The following FAM53B variants were observed in gnomAD, a reference collection of about 807,000 sequenced individuals.
FAM53B encodes the protein protein FAM53B.
In FAM53B, 12 loss-of-function variants were observed where a neutral mutation model predicts 32.7. That is an observed-to-expected ratio of 0.37 (90% CI 0.24 to 0.59). The LOEUF (loss-of-function observed/expected upper bound fraction) is 0.59. Among genes scored for constraint, FAM53B ranks in the 20% least tolerant of loss-of-function variants. The pLI, the probability that FAM53B is intolerant of heterozygous loss-of-function variation, is 0.72. For synonymous variants in FAM53B, 234 were observed against 228.7 expected (o/e 1.02, Z -0.21); for missense variants, 477 against 577.7 (o/e 0.83, Z 1.79).
chr10:124,742,709 C>T (rs935992193), intron 1 of FAM53B: 1 of 152,320 alleles, frequency 6.6e-6, no homozygotes, highest in Non-Finnish European at 1.5e-5. Flanking sequence ...AACATTTGTT[C>T]CTGTTGAACA....
At chr10:124,630,882 T>C (rs1949386708) in intron 4 of FAM53B, among the ~76,000 whole-genome samples, 1 of 152,216 alleles carries the variant, frequency 6.6e-6, no homozygotes, top group Non-Finnish European at 1.5e-5. Context: ...CAGAAGCCAG[T>C]ACAGCAGGGG....
intron 4 of FAM53B, among the ~76,000 whole-genome samples, chr10:124,645,274 T>G (rs998321275): frequency 1.3e-5 from 2 of 152,236 alleles, no homozygotes; most frequent in Admixed American, 6.5e-5. Context: ...ACACAGTAAC[T>G]GGGAAAATCC....
chr10:124,642,279 GCT>G (rs1949481033), intron 4 of FAM53B, among the ~76,000 whole-genome samples: 1 of 152,240 alleles, frequency 6.6e-6, no homozygotes, highest in African/African-American at 2.4e-5. Flanking sequence ...AAAGGCACGG[GCT>G]CCAGGGAAGG....
In FAM53B at chr10:124,620,319, G is replaced by A. The variant is rs1949298958; in HGVS notation, c.*2923C>T. The A allele has an allele frequency of 6.7e-6, 1 of 150,140 alleles. No individual in the cohort carries two copies. Among genetic ancestry groups the A allele is most frequent in the Non-Finnish European group, 1.5e-5 (1 of 67,728 alleles). The allele number at this position is 150,140 out of a possible 1,614,324, so 9.3% of individuals were successfully genotyped here. A position where few individuals can be genotyped will look rare whatever the true frequency, so the allele number is the denominator to read the frequency against. On this transcript the variant is annotated 3_prime_UTR_variant, in exon 5 of 5. Transcript: ENST00000337318. Reference sequence around the variant, plus strand: ...GTGGACGGCAGCCCCTGGCAGTTTGGTGGCTTTGGAATGAGTGGGGTGCAT... The same window carrying A: ...GTGGACGGCAGCCCCTGGCAGTTTGATGGCTTTGGAATGAGTGGGGTGCAT...
intron 1 of FAM53B, among the ~76,000 whole-genome samples, chr10:124,737,794 T>C (rs933482810): frequency 2.0e-5 from 3 of 152,132 alleles, no homozygotes; most frequent in African/African-American, 7.2e-5. Flanking sequence ...CACCACTCAC[T>C]GGGAGTTGCC....
At chr10:124,690,713 G>A (rs917571163) in intron 3 of FAM53B, among the ~76,000 whole-genome samples, 3 of 152,034 alleles carry the variant, frequency 2.0e-5, no homozygotes, top group African/African-American at 4.8e-5. Flanking sequence ...ACCCTTTATG[G>A]ACAAACTATT....
At chr10:124,669,654 C>T (rs978505473) in intron 4 of FAM53B, among the ~76,000 whole-genome samples, 2 of 152,232 alleles carry the variant, frequency 1.3e-5, no homozygotes, top group African/African-American at 4.8e-5. Context: ...TAGGGCAAAT[C>T]CCAGACTTCC....
chr10:124,735,080 G>A (rs191482491), intron 1 of FAM53B, among the ~76,000 whole-genome samples: 1 of 152,240 alleles, frequency 6.6e-6, no homozygotes, highest in East Asian at 1.9e-4. Context: ...CACATAACCC[G>A]CACCCGGAAG....
At chr10:124,633,965 T>TA (rs1218978574) in intron 4 of FAM53B, among the ~76,000 whole-genome samples, 1 of 152,226 alleles carries the variant, frequency 6.6e-6, no homozygotes, top group African/African-American at 2.4e-5. Context: ...AAAGCACTGG[T>TA]AGGAATGTAA....
chr10:124,734,656 T>C (rs1321409039), intron 1 of FAM53B, among the ~76,000 whole-genome samples: 1 of 152,150 alleles, frequency 6.6e-6, no homozygotes, highest in Non-Finnish European at 1.5e-5. Context: ...GCTGTCACAG[T>C]CTGGAGTCAG....
chr10:124,655,746 T>G (rs1949585530), intron 4 of FAM53B, among the ~76,000 whole-genome samples: 1 of 152,182 alleles, frequency 6.6e-6, no homozygotes, highest in Non-Finnish European at 1.5e-5. Flanking sequence ...GGTCTCTCAT[T>G]CCACGCAGAA....
At chr10:124,739,332 GT>G (rs1042433500) in intron 1 of FAM53B, among the ~76,000 whole-genome samples, 6 of 152,270 alleles carry the variant, frequency 3.9e-5, no homozygotes, top group African/African-American at 1.4e-4. Flanking sequence ...GTAACTGCAG[GT>G]TTGCTTTGAG....
intron 3 of FAM53B, among the ~76,000 whole-genome samples, chr10:124,684,880 C>T (rs1949793090): frequency 6.6e-6 from 1 of 152,178 alleles, no homozygotes; most frequent in Middle Eastern, 3.4e-3. Flanking sequence ...TCCCAGTTAT[C>T]TGATTTAAAA....
chr10:124,722,794 CA>C (rs1417561718), intron 1 of FAM53B, among the ~76,000 whole-genome samples: 1 of 152,238 alleles, frequency 6.6e-6, no homozygotes, highest in Admixed American at 6.5e-5. Flanking sequence ...GAGCTCCCCC[CA>C]GGAAGGAGGG....
intron 4 of FAM53B, among the ~76,000 whole-genome samples, chr10:124,668,639 C>A (rs1383274813): frequency 3.9e-5 from 6 of 152,248 alleles, no homozygotes; most frequent in Non-Finnish European, 8.8e-5. Flanking sequence ...CACAAGGGTG[C>A]TCTCCTTGTC....
Position 124,681,819 on chromosome 10 carries a change from A to C in FAM53B, c.694T>G (p.Ser232Ala). Residue 232 changes from serine to alanine, a missense_variant, in exon 4 of 5, where the codon TCA becomes GCA. Coordinates refer to ENST00000337318, the MANE Select transcript of FAM53B (RefSeq NM_014661.4). ...RLDLQRSLSC[S>A]HEQFSFVEYC... ...TCCACAAAGGAAAACTGCTCATGTG[A>C]GCAAGAGAGGGACCGCTGCAGGTCC... The C allele has an allele frequency of 6.2e-7, 1 of 1,611,554 alleles. No individual in the cohort carries two copies. Among genetic ancestry groups the C allele is most frequent in the South Asian group, 1.1e-5 (1 of 90,642 alleles).
At chr10:124,741,077 G>A (rs975646679) in intron 1 of FAM53B, among the ~76,000 whole-genome samples, 10 of 152,226 alleles carry the variant, frequency 6.6e-5, no homozygotes, top group African/African-American at 1.9e-4. Flanking sequence ...GCAAGGACTA[G>A]TTCATCTATT....
chr10:124,633,785 T>G (rs751268430), intron 4 of FAM53B, among the ~76,000 whole-genome samples: 2 of 151,414 alleles, frequency 1.3e-5, no homozygotes, highest in Non-Finnish European at 2.9e-5. Flanking sequence ...CAAGATAAAC[T>G]CAACACAGAC....
At chr10:124,699,122 C>G (rs532122900) in intron 2 of FAM53B, among the ~76,000 whole-genome samples, 1 of 152,220 alleles carries the variant, frequency 6.6e-6, no homozygotes, top group Admixed American at 6.5e-5. Flanking sequence ...TCTCTCCCAT[C>G]GCCTCATTTA....
Sources: allele counts gnomAD v4.1 joint callset (sites outside exome capture counted in the v4.1 genomes callset), GRCh38; gene constraint gnomAD v4.1.1; transcripts MANE v1.5; gene names NCBI Gene and HGNC (gene_info 2026-07-23, HGNC 2026-07-21).